RNASE10: variants seen among roughly 807,000 people sequenced by gnomAD.
RNASE10 encodes the protein ribonuclease A family member 10 (inactive), also known as inactive ribonuclease-like protein 10.
RNASE10 carries 2 observed loss-of-function variants against 1.1 expected under a neutral mutation model. The observed-to-expected ratio is 1.82, with a 90% confidence interval of 0.74 to 5.73. The LOEUF is 5.73. RNASE10 is among the 30% of genes most tolerant of loss of function. The pLI is 0.05. For missense variants in RNASE10, 276 were observed against 263.4 expected, an observed-to-expected ratio of 1.05 and a Z score of -0.33; for synonymous variants, 97 against 96.2, an observed-to-expected ratio of 1.01 and a Z score of -0.05.
downstream of RNASE10, among the ~76,000 whole-genome samples, chr14:20,513,166 T>C (rs899423868): frequency 6.6e-6 from 1 of 152,176 alleles, no homozygotes; most frequent in Non-Finnish European, 1.5e-5. Flanking sequence ...CTCCTCCGGG[T>C]CTTCACTTTG....
At chr14:20,512,779 G>T (rs1209431064), downstream of RNASE10, among the ~76,000 whole-genome samples, 1 of 152,180 alleles carries the variant, frequency 6.6e-6, no homozygotes, top group Non-Finnish European at 1.5e-5. Flanking sequence ...TTTAGAGGTG[G>T]TAATGAAGTG....
Position 20,506,339 on chromosome 14 carries a change from G to C in RNASE10, c.79+320G>C, listed in dbSNP as rs1311550385. On this transcript the variant is annotated intron_variant, in intron 1 of 1. Transcript: ENST00000430083. Reference sequence around the variant, plus strand: ...GGGGGGTCAGCCCCCCGCCCGGCCAGCCGCCCAGTCCGGGAGGTGAGGGGC... The same window carrying C: ...GGGGGGTCAGCCCCCCGCCCGGCCACCCGCCCAGTCCGGGAGGTGAGGGGC... Among the ~76,000 whole-genome samples the C allele has an allele frequency of 5.2e-4, 67 of 128,502 alleles. 1 individual carries two copies. Among genetic ancestry groups the C allele is most frequent in the African/African-American group, 2.0e-3 (65 of 32,478 alleles). The allele number at this position is 128,502 out of a possible 152,430, so 84.3% of individuals were successfully genotyped here. A position where few individuals can be genotyped will look rare whatever the true frequency, so the allele number is the denominator to read the frequency against.
chr14:20,509,127 A>C (rs143510682), intron 1 of RNASE10, among the ~76,000 whole-genome samples: 52 of 152,360 alleles, frequency 3.4e-4, no homozygotes, highest in African/African-American at 1.2e-3. Context: ...CAGTGGCACC[A>C]TCTTGGCCTT....
At chr14:20,506,393 G>A (rs1455313916) in intron 1 of RNASE10, among the ~76,000 whole-genome samples, 7 of 128,418 alleles carry the variant, frequency 5.5e-5, no homozygotes, top group Non-Finnish European at 1.2e-4. Flanking sequence ...CTACTGGGAA[G>A]TGAGGAGCCC....
intron 1 of RNASE10, among the ~76,000 whole-genome samples, chr14:20,508,306 G>A (rs1454977313): frequency 6.6e-6 from 1 of 152,146 alleles, no homozygotes; most frequent in Non-Finnish European, 1.5e-5. Flanking sequence ...CATGGTCAAC[G>A]ACGGTCTGAA....
At chr14:20,507,631 T>A (rs61994223) in intron 1 of RNASE10, among the ~76,000 whole-genome samples, 10,186 of 68,790 alleles carry the variant, frequency 0.15, 964 homozygotes, top group African/African-American at 0.33. Flanking sequence ...AATAAATAAA[T>A]AAATAAAATT....
exon 2 of RNASE10, chr14:20,510,736 G>C: frequency 6.2e-7 from 1 of 1,614,250 alleles, no homozygotes; most frequent in African/African-American, 1.3e-5. Context: ...CCTCGGTGAA[G>C]ATGAGGTTGG....
At chr14:20,506,364 C>T (rs1208693090) in intron 1 of RNASE10, among the ~76,000 whole-genome samples, 41 of 120,228 alleles carry the variant, frequency 3.4e-4, no homozygotes, top group Admixed American at 8.7e-4. Flanking sequence ...AGGTGAGGGG[C>T]GCCTCTGCCC....
At chr14:20,506,945 G>C (rs1271265701) in intron 1 of RNASE10, among the ~76,000 whole-genome samples, 10 of 140,344 alleles carry the variant, frequency 7.1e-5, no homozygotes, top group Non-Finnish European at 1.2e-4. Flanking sequence ...GGGGAGGGGG[G>C]GTCAGCCCCC....
At chr14:20,506,488 T>G (rs1483717549) in intron 1 of RNASE10, among the ~76,000 whole-genome samples, 2 of 90,908 alleles carry the variant, frequency 2.2e-5, no homozygotes, top group East Asian at 2.9e-4. Flanking sequence ...GGGAGGGAGG[T>G]GGTGGGGGTC....
exon 2 of RNASE10, chr14:20,510,830 A>C (rs1215705848): frequency 3.7e-6 from 6 of 1,614,208 alleles, no homozygotes; most frequent in African/African-American, 1.3e-5. Context: ...AGAGAATGCA[A>C]TGATATGATG....
chr14:20,505,265 CCTCTCCCTCTCCCTCTCCCTCTCCCT>C (rs1882665041), upstream of RNASE10, among the ~76,000 whole-genome samples: 2 of 9,100 alleles, frequency 2.2e-4, no homozygotes, highest in African/African-American at 9.4e-4. Flanking sequence ...GAGTTTGCTC[CCTCTCCCTCTCCCTCTCCCTCTCCCT>C]CTCCCTCTCC....
chr14:20,506,590 G>A (rs1412695156), intron 1 of RNASE10, among the ~76,000 whole-genome samples: 1 of 107,628 alleles, frequency 9.3e-6, no homozygotes, highest in South Asian at 3.4e-4. Context: ...CCTCTGCCCG[G>A]CCAGCCGCCC....
intron 1 of RNASE10, among the ~76,000 whole-genome samples, chr14:20,508,731 A>G (rs1417639383): frequency 1.3e-5 from 2 of 151,988 alleles, no homozygotes; most frequent in Non-Finnish European, 2.9e-5. Context: ...TTTATCTGCA[A>G]ATTTTGAACA....
chr14:20,506,187 G>GA (rs1313597252), intron 1 of RNASE10, among the ~76,000 whole-genome samples, 168 bp downstream of exon 1: 1 of 139,758 alleles, frequency 7.2e-6, no homozygotes, highest in Non-Finnish European at 1.6e-5. Context: ...GGAGGTGGGG[G>GA]GGGGTCAGCC....
chr14:20,513,840 C>G (rs1352901952), downstream of RNASE10, among the ~76,000 whole-genome samples: 3 of 152,188 alleles, frequency 2.0e-5, no homozygotes, highest in African/African-American at 7.2e-5. Context: ...TCTATATATA[C>G]TATTTAATTA....
intron 1 of RNASE10, among the ~76,000 whole-genome samples, chr14:20,509,210 G>A (rs1000652076): frequency 1.6e-4 from 25 of 152,256 alleles, no homozygotes; most frequent in Admixed American, 9.8e-4. Flanking sequence ...GCACCATGCC[G>A]GCTAATTTTT....
chr14:20,511,864 C>T (rs910073630), downstream of RNASE10, among the ~76,000 whole-genome samples: 1 of 151,876 alleles, frequency 6.6e-6, no homozygotes, highest in African/African-American at 2.4e-5. Context: ...TCTCCTTTTC[C>T]TCTTCTTTTT....
chr14:20,506,519 G>C (rs1377562038), intron 1 of RNASE10, among the ~76,000 whole-genome samples: 2 of 122,640 alleles, frequency 1.6e-5, no homozygotes, highest in African/African-American at 3.3e-5. Context: ...CCGGCCAGCC[G>C]CCCTATCCAG....
Sources: gnomAD v4.1 joint callset for allele counts (sites outside exome capture counted in the v4.1 genomes callset) on GRCh38, gnomAD v4.1.1 for gene constraint, MANE v1.5 for transcripts, NCBI Gene and HGNC (gene_info 2026-07-23, HGNC 2026-07-21) for gene names.